ARHGAP45: variants seen among roughly 807,000 people sequenced by gnomAD.
The protein encoded by ARHGAP45 is Rho GTPase activating protein 45, also known as rho GTPase-activating protein 45.
In ARHGAP45, 56 loss-of-function variants were observed where a neutral mutation model predicts 116.1. That is an observed-to-expected ratio of 0.48 (90% confidence interval 0.39 to 0.60). ARHGAP45 has a LOEUF of 0.60. Among genes scored for constraint, ARHGAP45 ranks in the 20% least tolerant of loss-of-function variants. ARHGAP45 has a pLI of 0.00. For synonymous variants in ARHGAP45, 866 were observed against 701.7 expected, an observed-to-expected ratio of 1.23 and a Z score of -3.70; for missense variants, 1,622 against 1,601.0, an observed-to-expected ratio of 1.01 and a Z score of -0.22.
rs556340483 is a variant in ARHGAP45 at position 1,069,958 on chromosome 19, A to G, written c.421+1214A>G. On this transcript the variant is annotated intron_variant, in intron 2 of 22. Coordinates refer to ENST00000313093, the MANE Select transcript of ARHGAP45 (RefSeq NM_012292.5). This position sits in a 1 kb window ranked among gnomAD's most constrained non-coding sequence, Gnocchi z 4.1. Reference sequence around the variant, plus strand: ...CTGCCTCCCGAGTACCTGAGACTACAGGCATGAGCCACTGCACCTGATTTA... The same window carrying G: ...CTGCCTCCCGAGTACCTGAGACTACGGGCATGAGCCACTGCACCTGATTTA... Among the ~76,000 whole-genome samples, 1 of 152,022 alleles carries G rather than the reference A, an allele frequency of 6.6e-6. No homozygotes were observed. The highest frequency in any genetic ancestry group is 1.9e-4 in the East Asian group (1 of 5,178).
At position 1,068,536 on chromosome 19, in the gene ARHGAP45, C is replaced by T. The variant is rs774974451; in HGVS notation, c.213C>T (p.His71=). The T allele has an allele frequency of 2.0e-5, 32 of 1,607,518 alleles. 1 individual carries two copies. The Admixed American group carries it at 2.2e-4, about 11-fold the overall frequency. ...AGCGGCCCACCAGCCTGAGCCGCCACGCCAGCGCGGCTGGCTTCCCCCTGT... is the reference window on the plus strand; with the variant it reads ...AGCGGCCCACCAGCCTGAGCCGCCATGCCAGCGCGGCTGGCTTCCCCCTGT... ...TLKRPTSLSR[H]ASAAGFPLSG... Residue 71 remains histidine, a synonymous_variant, in exon 2 of 23, where the codon CAC becomes CAT. Transcript: ENST00000313093. The surrounding 1 kb of genome is among the most constrained non-coding windows in gnomAD (Gnocchi z 7.5).
At chr19:1,081,480 G>T in intron 17 of ARHGAP45, 70 bp from the exon 18 acceptor site, 2 of 1,392,880 alleles carry the variant, frequency 1.4e-6, no homozygotes, top group South Asian at 1.5e-5. Context: ...GGGAGGTGGG[G>T]TGGAGCCGCT....
At chr19:1,079,119 G>T (rs1387832750) in intron 11 of ARHGAP45, among the ~76,000 whole-genome samples, 1 of 151,134 alleles carries the variant, frequency 6.6e-6, no homozygotes, top group Non-Finnish European at 1.5e-5. Context: ...GGTGGAGCTT[G>T]CAGTGAGCCG....
At chr19:1,070,286 C>T (rs921543800) in intron 2 of ARHGAP45, among the ~76,000 whole-genome samples, 15 of 149,832 alleles carry the variant, frequency 1.0e-4, no homozygotes, top group Non-Finnish European at 1.6e-4. Flanking sequence ...CATGAGCCAC[C>T]GTGCCCGGGC....
In ARHGAP45 at chr19:1,071,289, A is replaced by G. The variant is rs1163166292; in HGVS notation, c.422-1860A>G. 68 of 1,477,784 alleles carry G rather than the reference A, an allele frequency of 4.6e-5. No individual in the cohort carries two copies. Among genetic ancestry groups the G allele is most frequent in the Middle Eastern group, 2.2e-4 (1 of 4,456 alleles). The allele number at this position is 1,477,784 out of a possible 1,614,324, so 91.5% of individuals were successfully genotyped here. A position where few individuals can be genotyped will look rare whatever the true frequency, so the allele number is the denominator to read the frequency against. ...GTCTCCGCGCCCCGACGGCTGCGCC[A>G]TGTGTATCTGCGGGACGGCGCACCC... is the stretch of plus-strand genomic sequence containing the variant. On this transcript the variant is annotated intron_variant, in intron 2 of 22. Transcript: ENST00000313093. This position sits in a 1 kb window ranked among gnomAD's most constrained non-coding sequence, Gnocchi z 4.6.
rs369714506 is a variant in ARHGAP45, at chr19:1,086,048, T to C, written c.*42T>C. 2 of 1,520,856 alleles carry C rather than the reference T, an allele frequency of 1.3e-6. No individual in the cohort carries two copies. Among genetic ancestry groups the C allele is most frequent in the African/African-American group, 2.7e-5 (2 of 73,410 alleles). The allele number at this position is 1,520,856 out of a possible 1,614,324, so 94.2% of individuals were successfully genotyped here. A position where few individuals can be genotyped will look rare whatever the true frequency, so the allele number is the denominator to read the frequency against. ...GACCACAGGTGGCTTCTCTCTTGCC[T>C]GCTCCTGTCCCTCCAGCACGTCCCC... On this transcript the variant is annotated 3_prime_UTR_variant, in exon 23 of 23. Coordinates refer to ENST00000313093, the MANE Select transcript of ARHGAP45 (RefSeq NM_012292.5).
intron 10 of ARHGAP45, among the ~76,000 whole-genome samples, chr19:1,075,460 G>C (rs2043227575): frequency 6.6e-6 from 1 of 152,018 alleles, no homozygotes; most frequent in Non-Finnish European, 1.5e-5. Flanking sequence ...GGTCAGGCTG[G>C]TCTCGAACTC....
At position 1,073,161 on chromosome 19, in the gene ARHGAP45, C is replaced by G. The variant is rs1270029542; in HGVS notation, c.434C>G (p.Ala145Gly). The G allele has an allele frequency of 6.2e-7, 1 of 1,607,148 alleles. No individual in the cohort carries two copies. The highest frequency in any genetic ancestry group is 2.2e-5 in the East Asian group (1 of 44,874). The change falls in exon 3 of 23, where the codon GCC (alanine) becomes GGC (glycine). Residue 145 changes from alanine (A) to glycine (G), a missense_variant. Around this residue, in one of 3 missense-constraint regions of ARHGAP45, gnomAD observed 279 missense variants for 311.9 expected, o/e 0.89. Transcript: ENST00000313093. ...ECVLRDDLLE[A>G]RRPRAHECLG... Reference sequence around the variant, plus strand: ...CTCTCCCCAGCAGACCTCCTTGAGGCCCGCCGCCCGCGGGCCCACGAGTGC... The same window carrying G: ...CTCTCCCCAGCAGACCTCCTTGAGGGCCGCCGCCCGCGGGCCCACGAGTGC...
At chr19:1,076,129 A>T (rs527386499) in intron 10 of ARHGAP45, among the ~76,000 whole-genome samples, 1 of 152,190 alleles carries the variant, frequency 6.6e-6, no homozygotes, top group Non-Finnish European at 1.5e-5. Context: ...CACCATTGCT[A>T]TGACAAGCTT....
In ARHGAP45 at chr19:1,081,895, G is replaced by A. The variant is rs961445186; in HGVS notation, c.2451G>A (p.Glu817=). 4 of 1,613,062 alleles carry A rather than the reference G, an allele frequency of 2.5e-6. No individual in the cohort carries two copies. The highest frequency in any genetic ancestry group is 3.3e-5 in the Admixed American group (2 of 59,994). ...KLCQAFENGK[E]LVELSQASPH... Reference sequence around the variant, plus strand: ...GCCAGGCCTTCGAGAACGGCAAGGAGCTGGTCGAGCTGTCGCAGGCCTCGC... The same window carrying A: ...GCCAGGCCTTCGAGAACGGCAAGGAACTGGTCGAGCTGTCGCAGGCCTCGC... The change falls in exon 19 of 23, where the codon GAG becomes GAA. Residue 817 remains glutamate, a synonymous_variant. Transcript: ENST00000313093.
chr19:1,085,672 T>G lies in ARHGAP45; in HGVS notation c.3077T>G (p.Val1026Gly), dbSNP rs752595385. The G allele has an allele frequency of 2.5e-6, 4 of 1,573,132 alleles. No individual in the cohort carries two copies. Among genetic ancestry groups the G allele is most frequent in the Non-Finnish European group, 2.6e-6 (3 of 1,155,752 alleles). Residue 1026 changes from valine to glycine, a missense_variant, in exon 23 of 23, where the codon GTG (valine) becomes GGG (glycine). This residue lies in a region of ARHGAP45 where 1,334 missense variants were observed against 1,263.8 expected (regional missense o/e 1.06). Coordinates refer to ENST00000313093, the MANE Select transcript of ARHGAP45 (RefSeq NM_012292.5). ...CTCCCTTTCTTAGAATCCCGAGTTG[T>G]GTCCAACGATTCGGACTCGGACCTA... ...AADGCRESRV[V>G]SNDSDSDLEE... is the part of the protein sequence containing the mutation.
At position 1,080,996 on chromosome 19, in the gene ARHGAP45, C is replaced by T; in HGVS notation, c.2122C>T (p.Leu708Phe). Residue 708 changes from leucine (L) to phenylalanine (F), a missense_variant, in exon 17 of 23, where the codon CTC becomes TTC. Transcript: ENST00000313093. ...GGCCCGTACTCACCGGCTCCGGAAG[C>T]TCCGCACGCCCGCCAAGTGCCGCGA... ...KAARTHRLRK[L>F]RTPAKCRECN... 2 of 1,607,876 alleles carry T rather than the reference C, an allele frequency of 1.2e-6. No individual in the cohort carries two copies. The highest frequency in any genetic ancestry group is 1.7e-6 in the Non-Finnish European group (2 of 1,178,080).
At position 1,081,471 on chromosome 19, in the gene ARHGAP45, G is replaced by A. The variant is rs1007340613; in HGVS notation, c.2191-79G>A. On this transcript the variant is annotated intron_variant, in intron 17 of 22. Coordinates refer to ENST00000313093, the MANE Select transcript of ARHGAP45 (RefSeq NM_012292.5). The stretch of plus-strand genomic sequence containing the variant: ...CGTGTGGGGGCTGTGAGCGCCCCGG[G>A]GAGGTGGGGTGGAGCCGCTGGGGGC... 8 of 1,354,642 alleles carry A rather than the reference G, an allele frequency of 5.9e-6. No homozygotes were observed. The African/African-American group carries it at 1.0e-4, about 18-fold the overall frequency. The allele number at this position is 1,354,642 out of a possible 1,614,324, so 83.9% of individuals were successfully genotyped here.
intron 10 of ARHGAP45, among the ~76,000 whole-genome samples, chr19:1,076,717 G>C (rs757282420): frequency 6.6e-6 from 1 of 151,518 alleles, no homozygotes; most frequent in Non-Finnish European, 1.5e-5. Context: ...GGCTGGTCTC[G>C]AACTCCTGAC....
At position 1,068,672 on chromosome 19, in the gene ARHGAP45, T is replaced by C. The variant is rs773731939; in HGVS notation, c.349T>C (p.Ser117Pro). 3.7e-6 allele frequency: 6 copies of C among 1,612,584 alleles called. No homozygotes were observed. In the South Asian group the frequency reaches 4.4e-5, roughly 12 times the overall value. ...CGGCCCGGACGTCGTCGAGGACATC[T>C]CCCATCTGCTGGCGGACGTGGCCCG... ...GAGPDVVEDI[S>P]HLLADVARFA... Residue 117 changes from serine (S) to proline (P), a missense_variant, in exon 2 of 23, where the codon TCC becomes CCC. Ser to Pro is a moderately conservative substitution (Grantham distance 74, BLOSUM62 -1). Coordinates refer to ENST00000313093, the MANE Select transcript of ARHGAP45 (RefSeq NM_012292.5). The surrounding 1 kb of genome is among the most constrained non-coding windows in gnomAD (Gnocchi z 7.5).
Position 1,074,378 on chromosome 19 carries a change from C to T in ARHGAP45, c.964C>T (p.His322Tyr). 6.3e-7 allele frequency: 1 copy of T among 1,598,986 alleles called. No individual in the cohort carries two copies. ...TGCCAAGGGCCTGCAGAAGATCGCTCACAACTGCAGACAGAGCGTCATGCA... is the reference window on the plus strand; with the variant it reads ...TGCCAAGGGCCTGCAGAAGATCGCTTACAACTGCAGACAGAGCGTCATGCA... ...EFAKGLQKIA[H>Y]NCRQSVMQEP... is the part of the protein sequence containing the mutation. Residue 322 changes from histidine to tyrosine, a missense_variant, in exon 8 of 23, where the codon CAC becomes TAC. Physicochemically the swap from His to Tyr is moderately conservative, Grantham distance 83 (BLOSUM62 2). This residue lies in a region of ARHGAP45 where 1,334 missense variants were observed against 1,263.8 expected (regional missense o/e 1.06). Transcript: ENST00000313093.
At chr19:1,079,679 C>T (rs776779782) in intron 11 of ARHGAP45, 24 bp from the exon 12 acceptor site, 2 of 1,611,454 alleles carry the variant, frequency 1.2e-6, no homozygotes, top group Admixed American at 1.7e-5. Flanking sequence ...AGGCCTCTCT[C>T]TGTGCGCCCC....
intron 8 of ARHGAP45, 47 bp downstream of exon 8, chr19:1,074,454 G>A (rs1186397694): frequency 6.8e-7 from 1 of 1,464,860 alleles, no homozygotes; most frequent in South Asian, 1.4e-5. Context: ...GCCCGGGTGT[G>A]AGTCTCAGCC....
rs1273604156 is a variant in ARHGAP45, at chr19:1,068,697, G to A, written c.374G>A (p.Arg125His). The stretch of plus-strand genomic sequence containing the variant: ...TCCCATCTGCTGGCGGACGTGGCCC[G>A]CTTCGCTGAGGGCCTTGAGAAACTT... ...DISHLLADVA[R>H]FAEGLEKLKE... Residue 125 changes from arginine (R) to histidine (H), a missense_variant, in exon 2 of 23, where the codon CGC (arginine) becomes CAC (histidine). Transcript: ENST00000313093. The surrounding 1 kb of genome is among the most constrained non-coding windows in gnomAD (Gnocchi z 7.5). 6.2e-6 allele frequency: 10 copies of A among 1,612,516 alleles called. No individual in the cohort carries two copies. The highest frequency in any genetic ancestry group is 1.1e-5 in the South Asian group (1 of 91,088).
Sources: gnomAD v4.1 joint callset for allele counts (sites outside exome capture counted in the v4.1 genomes callset) on GRCh38, gnomAD v4.1.1 for gene constraint, gnomAD v4.1.1 regional missense constraint, Gnocchi (gnomAD v3.1) non-coding constraint, MANE v1.5 for transcripts, NCBI Gene and HGNC (gene_info 2026-07-23, HGNC 2026-07-21) for gene names.